Variants in COL6A6 observed in about 807,000 individuals in gnomAD.
COL6A6 encodes the protein collagen alpha-6(VI) chain.
Under a neutral mutation model 208.6 loss-of-function variants are expected in COL6A6, and 183 were observed. That is an observed-to-expected ratio of 0.88 (90% CI 0.78 to 0.99). The LOEUF is 0.99. COL6A6 is among the 50% of genes least tolerant of loss of function. The probability of loss-of-function intolerance (pLI) is 0.00; values close to 1 mark genes in which losing one functional copy is unlikely to be tolerated. For missense variants in COL6A6, 2,816 were observed against 2,815.2 expected (o/e 1.00, Z -0.01); for synonymous variants, 973 against 1,011.8 (o/e 0.96, Z 0.73).
intron 1 of COL6A6, among the ~76,000 whole-genome samples, chr3:130,525,877 C>T (rs558637712): frequency 1.1e-4 from 16 of 152,192 alleles, no homozygotes; most frequent in Non-Finnish European, 1.8e-4. Context: ...TCATCATTAG[C>T]TCAAACAGCA....
chr3:130,556,810 A>T (rs370538057), intron 1 of COL6A6, among the ~76,000 whole-genome samples: 2 of 152,170 alleles, frequency 1.3e-5, no homozygotes, highest in African/African-American at 4.8e-5. Context: ...GTTTTGACCC[A>T]GAAAGGATCA....
chr3:130,637,301 T>G (rs753264240), intron 28 of COL6A6, among the ~76,000 whole-genome samples: 3 of 150,896 alleles, frequency 2.0e-5, no homozygotes, highest in Non-Finnish European at 4.4e-5. Context: ...GATCATTTAT[T>G]TCCCTTGGCT....
At chr3:130,575,153 A>T (rs1052219148) in intron 8 of COL6A6, among the ~76,000 whole-genome samples, 1 of 152,220 alleles carries the variant, frequency 6.6e-6, no homozygotes, top group African/African-American at 2.4e-5. Flanking sequence ...CCACTCAAAA[A>T]AAAAAGTTGC....
chr3:130,534,013 T>C (rs2107717614), intron 1 of COL6A6, among the ~76,000 whole-genome samples: 1 of 152,368 alleles, frequency 6.6e-6, no homozygotes, highest in Non-Finnish European at 1.5e-5. Flanking sequence ...TATATTGTCT[T>C]GTACACATGT....
intron 11 of COL6A6, among the ~76,000 whole-genome samples, chr3:130,588,478 C>T (rs1452400426): frequency 1.3e-5 from 2 of 152,092 alleles, no homozygotes; most frequent in African/African-American, 2.4e-5. Context: ...GATGTTTTTA[C>T]CAGAGTATAA....
chr3:130,555,522 C>A (rs187369412), intron 1 of COL6A6, among the ~76,000 whole-genome samples: 18 of 152,138 alleles, frequency 1.2e-4, no homozygotes, highest in Admixed American at 9.2e-4. Context: ...TGTCCCTGTT[C>A]TTTTTTTTCA....
intron 23 of COL6A6, among the ~76,000 whole-genome samples, chr3:130,615,657 G>A (rs115674540): frequency 1.3e-5 from 2 of 152,014 alleles, no homozygotes; most frequent in Non-Finnish European, 1.5e-5. Context: ...TAACTATTTC[G>A]CATTCATATC....
At chr3:130,527,368 C>G (rs1169586677) in intron 1 of COL6A6, among the ~76,000 whole-genome samples, 1 of 152,142 alleles carries the variant, frequency 6.6e-6, no homozygotes, top group Non-Finnish European at 1.5e-5. Context: ...GATTTGTGTC[C>G]TGTTTTGAAA....
In COL6A6 at chr3:130,603,265, G is replaced by A. The variant is rs368308120; in HGVS notation, c.4653+3455G>A. On this transcript the variant is annotated intron_variant, in intron 20 of 36. Transcript: ENST00000358511. ...GGGTTAAACAATTCTTTGCTGTGGG[G>A]GGCTAGGCCTCCGCCCATTAGCTGC... Among the ~76,000 whole-genome samples the A allele has an allele frequency of 5.3e-5, 8 of 152,302 alleles. No homozygotes were observed. The East Asian group carries it at 7.7e-4, about 15-fold the overall frequency.
intron 36 of COL6A6, 61 bp downstream of exon 36, chr3:130,665,157 C>A: frequency 1.8e-6 from 2 of 1,110,368 alleles, no homozygotes; most frequent in Non-Finnish European, 2.6e-6. Flanking sequence ...TTCTATTTTC[C>A]TCCTCCTCCT....
chr3:130,598,510 CAAAA>C, intron 19 of COL6A6, 80 bp downstream of exon 19: 2 of 963,680 alleles, frequency 2.1e-6, no homozygotes, highest in Admixed American at 4.8e-5. Context: ...AAATGCTTAA[CAAAA>C]AAACTGGAAT....
At chr3:130,656,274 G>A (rs769012818) in intron 33 of COL6A6, among the ~76,000 whole-genome samples, 1 of 152,212 alleles carries the variant, frequency 6.6e-6, no homozygotes, top group Non-Finnish European at 1.5e-5. Flanking sequence ...CCTGCATCCT[G>A]GAAGAATGAG....
chr3:130,531,019 C>G (rs75693574), intron 1 of COL6A6, among the ~76,000 whole-genome samples: 77 of 45,448 alleles, frequency 1.7e-3, no homozygotes, highest in African/African-American at 5.3e-3. Flanking sequence ...CTCCTCTACA[C>G]ACACACACAC....
At chr3:130,527,849 A>T (rs73196092) in intron 1 of COL6A6, among the ~76,000 whole-genome samples, 12 of 120,470 alleles carry the variant, frequency 1.0e-4, no homozygotes, top group Admixed American at 1.7e-4. Context: ...TAGTAACTTT[A>T]TCTGTTGTTT....
chr3:130,656,669 G>A (rs1011097554), intron 33 of COL6A6, among the ~76,000 whole-genome samples: 1 of 152,212 alleles, frequency 6.6e-6, no homozygotes, highest in African/African-American at 2.4e-5. Context: ...TCCACACAGA[G>A]GCCTGTCTGC....
At position 130,649,504 on chromosome 3, in the gene COL6A6, A is replaced by C. The variant is rs2065570101; in HGVS notation, c.5675A>C (p.Glu1892Ala). The C allele has an allele frequency of 6.2e-7, 1 of 1,606,380 alleles. No individual in the cohort carries two copies. ...GCTGCCATGGAGTTCGGCGCGCTTG[A>C]AATCATTCCCGTGGTGATCACTTTC... Reference protein sequence around the residue: ...TTAAMEFGALEIIPVVITFSN... With the variant: ...TTAAMEFGALAIIPVVITFSN... The change falls in exon 33 of 37, where the codon GAA becomes GCA. Residue 1892 changes from glutamate to alanine, a missense_variant. Coordinates refer to ENST00000358511, the MANE Select transcript of COL6A6 (RefSeq NM_001102608.3).
chr3:130,675,440 T>A lies in COL6A6; in HGVS notation c.*43T>A, dbSNP rs770341844. ...TTAGCCTTAGGAAGCATGGTAAGAC[T>A]CTGGACTTAAATAGTAACTAAATCT... On this transcript the variant is annotated 3_prime_UTR_variant, in exon 37 of 37. Transcript: ENST00000358511. 1.1e-5 allele frequency: 15 copies of A among 1,413,604 alleles called. No individual in the cohort carries two copies. The Middle Eastern group carries it at 7.3e-4, about 68-fold the overall frequency. The allele number at this position is 1,413,604 out of a possible 1,614,324, so 87.6% of individuals were successfully genotyped here.
intron 33 of COL6A6, among the ~76,000 whole-genome samples, chr3:130,655,078 A>C (rs1280194840): frequency 1.3e-5 from 2 of 152,180 alleles, no homozygotes; most frequent in Non-Finnish European, 2.9e-5. Flanking sequence ...TGTTATCTGT[A>C]GGAGTAAATT....
chr3:130,554,418 GGTGTTTC>G (rs1480682046), intron 1 of COL6A6, among the ~76,000 whole-genome samples: 4 of 152,194 alleles, frequency 2.6e-5, no homozygotes, highest in Admixed American at 1.3e-4. Flanking sequence ...TGGAGGTGCT[GGTGTTTC>G]TGTACACGTT....
Sources: gnomAD v4.1 joint callset for allele counts (sites outside exome capture counted in the v4.1 genomes callset) on GRCh38, gnomAD v4.1.1 for gene constraint, MANE v1.5 for transcripts, NCBI Gene and HGNC (gene_info 2026-07-23, HGNC 2026-07-21) for gene names.